The following CERS3 variants were observed in gnomAD, a reference collection of about 807,000 sequenced individuals.
CERS3 encodes the protein ceramide synthase 3, also known as LAG1 homolog, ceramide synthase 3.
CERS3 carries 33 observed loss-of-function variants against 50.3 expected under a neutral mutation model. That is an observed-to-expected ratio of 0.66 (90% CI 0.50 to 0.88). The LOEUF is 0.88. Ranked by LOEUF, CERS3 falls within the 40% of genes least tolerant of loss-of-function variation. The pLI is 0.00. For missense variants in CERS3, 470 were observed against 460.3 expected (o/e 1.02, Z -0.19); for synonymous variants, 176 against 155.2 (o/e 1.13, Z -0.99).
chr15:100,485,613 C>T (rs111645943), intron 4 of CERS3, among the ~76,000 whole-genome samples: 125 of 152,284 alleles, frequency 8.2e-4, no homozygotes, highest in African/African-American at 2.8e-3. Flanking sequence ...TGGTGGTTCA[C>T]GCCTGTAATC....
intron 11 of CERS3, among the ~76,000 whole-genome samples, chr15:100,427,212 C>A (rs2032863856): frequency 6.6e-6 from 1 of 151,984 alleles, no homozygotes; most frequent in Admixed American, 6.6e-5. Context: ...CTTGTGATGG[C>A]TACTTCAGAT....
chr15:100,482,610 TTA>T (rs151327609), intron 5 of CERS3, among the ~76,000 whole-genome samples: 93,129 of 136,320 alleles, frequency 0.68, 29,186 homozygotes, highest in Non-Finnish European at 0.74. Flanking sequence ...TTTTTTTTTT[TTA>T]AAAAAAAGGG....
intron 8 of CERS3, among the ~76,000 whole-genome samples, chr15:100,474,268 TTTAA>T (rs2035056781): frequency 6.6e-6 from 1 of 152,188 alleles, no homozygotes; most frequent in African/African-American, 2.4e-5. Flanking sequence ...CTTTAAATGG[TTTAA>T]TTGTGTTATA....
chr15:100,538,510 C>A (rs1380100885), intron 1 of CERS3, among the ~76,000 whole-genome samples: 1 of 152,272 alleles, frequency 6.6e-6, no homozygotes, highest in African/African-American at 2.4e-5. Flanking sequence ...GCAGCCCCAA[C>A]ACCACATGTA....
At chr15:100,544,553 G>A (rs911422857) in intron 1 of CERS3, 1 of 149,860 alleles carries the variant, frequency 6.7e-6, no homozygotes, top group Admixed American at 6.6e-5. Context: ...ACCTGCGGGG[G>A]GCGCGGTCGG....
At chr15:100,504,682 C>T (rs1009616947) in intron 2 of CERS3, among the ~76,000 whole-genome samples, 5 of 152,074 alleles carry the variant, frequency 3.3e-5, no homozygotes, top group Non-Finnish European at 7.4e-5. Flanking sequence ...GATTAGGCTT[C>T]GGGGACACAG....
intron 11 of CERS3, among the ~76,000 whole-genome samples, chr15:100,443,556 C>T (rs1464748192): frequency 6.7e-6 from 1 of 149,974 alleles, no homozygotes; most frequent in Non-Finnish European, 1.5e-5. Context: ...GCTTTCTTTA[C>T]TATTCCTTTG....
chr15:100,504,358 C>T (rs1291534006), intron 2 of CERS3, among the ~76,000 whole-genome samples: 4 of 151,674 alleles, frequency 2.6e-5, no homozygotes, highest in African/African-American at 9.7e-5. Context: ...ATTCTCCTGC[C>T]TCAGCCTCCC....
chr15:100,527,512 G>A (rs1307653209), intron 1 of CERS3, among the ~76,000 whole-genome samples: 1 of 152,200 alleles, frequency 6.6e-6, no homozygotes, highest in Non-Finnish European at 1.5e-5. Context: ...CATAGCTTCA[G>A]GAATCCCTCC....
At chr15:100,416,892 C>T (rs567834254) in intron 11 of CERS3, among the ~76,000 whole-genome samples, 1 of 152,132 alleles carries the variant, frequency 6.6e-6, no homozygotes, top group Non-Finnish European at 1.5e-5. Flanking sequence ...AAACAACCAA[C>T]CACATTAAAA....
chr15:100,525,199 T>A (rs1005525882), intron 1 of CERS3, among the ~76,000 whole-genome samples: 1 of 152,226 alleles, frequency 6.6e-6, no homozygotes, highest in Admixed American at 6.5e-5. Context: ...TTTGGTTAAA[T>A]ATCTTAGTTT....
chr15:100,488,102 T>A (rs2035540829), intron 4 of CERS3, among the ~76,000 whole-genome samples: 1 of 152,166 alleles, frequency 6.6e-6, no homozygotes, highest in African/African-American at 2.4e-5. Context: ...GACACACACC[T>A]GCATAGATAC....
At chr15:100,407,170 G>T (rs762119937) in intron 11 of CERS3, among the ~76,000 whole-genome samples, 1 of 152,106 alleles carries the variant, frequency 6.6e-6, no homozygotes, top group East Asian at 1.9e-4. Context: ...TCAGAACAAA[G>T]AACCTAATTT....
chr15:100,468,230 A>G (rs1368725761), intron 10 of CERS3, among the ~76,000 whole-genome samples: 1 of 152,192 alleles, frequency 6.6e-6, no homozygotes, highest in African/African-American at 2.4e-5. Flanking sequence ...TCCAAACTAT[A>G]TAAACTAGTT....
chr15:100,477,115 C>T (rs1449603661), intron 7 of CERS3, among the ~76,000 whole-genome samples: 1 of 152,120 alleles, frequency 6.6e-6, no homozygotes. Context: ...TGAGCCTAGC[C>T]TAAATTGACA....
intron 2 of CERS3, among the ~76,000 whole-genome samples, chr15:100,519,083 C>T (rs1463465137): frequency 6.6e-6 from 1 of 151,906 alleles, no homozygotes; most frequent in Non-Finnish European, 1.5e-5. Context: ...CGCTTGAACC[C>T]GGAAGGCGGA....
chr15:100,435,473 C>T (rs2033355623), intron 11 of CERS3, among the ~76,000 whole-genome samples: 1 of 152,172 alleles, frequency 6.6e-6, no homozygotes, highest in Admixed American at 6.5e-5. Context: ...AAAATTAACT[C>T]AAGATGCATT....
chr15:100,471,387 A>C (rs146252548), intron 9 of CERS3, among the ~76,000 whole-genome samples: 1 of 152,200 alleles, frequency 6.6e-6, no homozygotes, highest in Non-Finnish European at 1.5e-5. Context: ...TACTTAGGGA[A>C]TCATGTCACA....
Position 100,501,859 on chromosome 15 carries a change from A to G in CERS3, c.-1-9T>C. On this transcript the variant is annotated splice_polypyrimidine_tract_variant and intron_variant, in intron 2 of 11. Transcript: ENST00000679737. ...TAAACGTCCAAAACATTCTAGAGAA[A>G]TGGAAACAGACATTAGGCTTGTAAA... 6.2e-7 allele frequency: 1 copy of G among 1,613,374 alleles called. No homozygotes were observed. Among genetic ancestry groups the G allele is most frequent in the Non-Finnish European group, 8.5e-7 (1 of 1,179,614 alleles).
Sources: allele counts gnomAD v4.1 joint callset (sites outside exome capture counted in the v4.1 genomes callset), GRCh38; gene constraint gnomAD v4.1.1; transcripts MANE v1.5; gene names NCBI Gene and HGNC (gene_info 2026-07-23, HGNC 2026-07-21).